The following CCDC27 variants were observed in gnomAD, a reference collection of about 807,000 sequenced individuals.
The protein encoded by CCDC27 is coiled-coil domain containing 27.
A neutral mutation model predicts 80.3 loss-of-function variants in CCDC27; 80 were observed. That is an observed-to-expected ratio of 1.00 (90% confidence interval 0.83 to 1.20). CCDC27 has a LOEUF of 1.20. Ranked by LOEUF, CCDC27 falls within the 50% of genes most tolerant of loss-of-function variation. The pLI, the probability that CCDC27 is intolerant of heterozygous loss-of-function variation, is 0.00. For missense variants in CCDC27, 815 were observed against 809.4 expected (o/e 1.01, Z -0.08); for synonymous variants, 342 against 334.3 (o/e 1.02, Z -0.25).
intron 11 of CCDC27, among the ~76,000 whole-genome samples, chr1:3,770,118 C>T (rs189618825): frequency 3.7e-4 from 56 of 152,224 alleles, no homozygotes; most frequent in Middle Eastern, 3.4e-3. Context: ...CTCAGCAAAA[C>T]GGGGGACGGG....
chr1:3,765,035 CAAA>C lies in CCDC27; in HGVS notation c.1452+1214_1452+1216del, dbSNP rs57991746. Among the ~76,000 whole-genome samples, 127 of 115,066 alleles carry C rather than the reference CAAA, an allele frequency of 1.1e-3. 2 individuals carry two copies. The highest frequency in any genetic ancestry group is 2.6e-3 in the African/African-American group (83 of 31,840). The allele number at this position is 115,066 out of a possible 152,430, so 75.5% of individuals were successfully genotyped here. A position where few individuals can be genotyped will look rare whatever the true frequency, so the allele number is the denominator to read the frequency against. On this transcript the variant is annotated intron_variant, in intron 8 of 11. Coordinates refer to ENST00000294600, the MANE Select transcript of CCDC27 (RefSeq NM_152492.3). ...GGGCGACAAGAGCAAAACTCCATCT[CAAA>C]AAAAAAAAAAAAAACGATGAACAGG...
chr1:3,756,468 GGT>G lies in CCDC27; in HGVS notation c.554-262_554-261del, dbSNP rs1325330536. ...TCCCAGCTCCGGCTCGTTTGTCCTG[GGT>G]GTCTCGGCCAGAGCTTCCGCACCTT... On this transcript the variant is annotated intron_variant, in intron 3 of 11. Transcript: ENST00000294600. 8.6e-6 allele frequency: 3 copies of G among 348,820 alleles called. No homozygotes were observed. In the Admixed American group the frequency reaches 1.3e-4, roughly 15 times the overall value. 21.6% of individuals were successfully genotyped at this position (348,820 alleles called of 1,614,324 possible). A position where few individuals can be genotyped will look rare whatever the true frequency, so the allele number is the denominator to read the frequency against.
chr1:3,761,173 G>A lies in CCDC27; in HGVS notation c.712-108G>A. The A allele has an allele frequency of 7.5e-7, 1 of 1,334,278 alleles. No individual in the cohort carries two copies. The highest frequency in any genetic ancestry group is 1.0e-6 in the Non-Finnish European group (1 of 965,246). 82.7% of individuals were successfully genotyped at this position (1,334,278 alleles called of 1,614,324 possible). A position where few individuals can be genotyped will look rare whatever the true frequency, so the allele number is the denominator to read the frequency against. On this transcript the variant is annotated intron_variant, in intron 4 of 11. Transcript: ENST00000294600. This position sits in a 1 kb window ranked among gnomAD's most constrained non-coding sequence, Gnocchi z 5.0. ...GAAATCCCTGGGACCCTGGGGTTTT[G>A]GGGTACCACGACAGCAGATCTGCTC...
In CCDC27 at chr1:3,756,904, G is replaced by A. The variant is rs1372607659; in HGVS notation, c.711+14G>A. ...ATCCACGAGAAGGTACTGGCGGAGG[G>A]GGTGCAAATCCCGGCCCCCCACCCC... On this transcript the variant is annotated intron_variant, in intron 4 of 11. Transcript: ENST00000294600. 1 of 1,605,072 alleles carries A rather than the reference G, an allele frequency of 6.2e-7. No homozygotes were observed. The highest frequency in any genetic ancestry group is 1.1e-5 in the South Asian group (1 of 90,468).
At chr1:3,767,544 G>A in intron 10 of CCDC27, 99 bp downstream of exon 10, 1 of 985,888 alleles carries the variant, frequency 1.0e-6, no homozygotes, top group Non-Finnish European at 1.5e-6. Flanking sequence ...CGGGGTCTGT[G>A]TACGCTGGGG....
chr1:3,764,814 T>C (rs974816866), intron 8 of CCDC27, among the ~76,000 whole-genome samples: 1 of 152,262 alleles, frequency 6.6e-6, no homozygotes, highest in South Asian at 2.1e-4. Context: ...GGCAGGTGGA[T>C]CACCTCAGGT....
intron 11 of CCDC27, 96 bp from the exon 12 acceptor site, chr1:3,771,304 TG>T: frequency 1.3e-6 from 2 of 1,490,978 alleles, no homozygotes; most frequent in Non-Finnish European, 1.8e-6. Context: ...GAGGAGAGGG[TG>T]GCGTCCCGGG....
rs1391515135 is a variant in CCDC27 at position 3,761,525 on chromosome 1, C to T, written c.861+95C>T. The T allele has an allele frequency of 2.1e-6, 3 of 1,423,120 alleles. No homozygotes were observed. In the East Asian group the frequency reaches 7.1e-5, roughly 34 times the overall value. The allele number at this position is 1,423,120 out of a possible 1,614,324, so 88.2% of individuals were successfully genotyped here. Reference sequence around the variant, plus strand: ...AGTGACACACAGGCCCCTGGCAAACCCCCAGGCCCCCTGGATCCTATCAGG... The same window carrying T: ...AGTGACACACAGGCCCCTGGCAAACTCCCAGGCCCCCTGGATCCTATCAGG... On this transcript the variant is annotated intron_variant, in intron 5 of 11. Transcript: ENST00000294600. This position sits in a 1 kb window ranked among gnomAD's most constrained non-coding sequence, Gnocchi z 5.0.
rs775378587 is a variant in CCDC27 at position 3,768,088 on chromosome 1, CTTTTT to C, written c.1743+661_1743+665del. ...AAAAGGAAATCAATAAAGAGCTGAC[CTTTTT>C]TTTTTTTTTTTTTTTTTCTGAGACA... On this transcript the variant is annotated intron_variant, in intron 10 of 11. Coordinates refer to ENST00000294600, the MANE Select transcript of CCDC27 (RefSeq NM_152492.3). The surrounding 1 kb of genome is among the most constrained non-coding windows in gnomAD (Gnocchi z 5.6). Among the ~76,000 whole-genome samples, 2 of 120,330 alleles carry C rather than the reference CTTTTT, an allele frequency of 1.7e-5. No individual in the cohort carries two copies. Among genetic ancestry groups the C allele is most frequent in the Non-Finnish European group, 3.5e-5 (2 of 57,674 alleles). 78.9% of individuals were successfully genotyped at this position (120,330 alleles called of 152,430 possible). A position where few individuals can be genotyped will look rare whatever the true frequency, so the allele number is the denominator to read the frequency against.
At position 3,763,076 on chromosome 1, in the gene CCDC27, C is replaced by T; in HGVS notation, c.955-32C>T. ...CTCTGCCCTGGGGGTGCCCCGCAGC[C>T]CTGCCCAGCCCCTGCCCTACCCATC... On this transcript the variant is annotated intron_variant, in intron 6 of 11. Coordinates refer to ENST00000294600, the MANE Select transcript of CCDC27 (RefSeq NM_152492.3). The surrounding 1 kb of genome is among the most constrained non-coding windows in gnomAD (Gnocchi z 7.5). The T allele has an allele frequency of 1.4e-6, 2 of 1,457,222 alleles. No individual in the cohort carries two copies. The highest frequency in any genetic ancestry group is 2.9e-5 in the African/African-American group (2 of 70,086). The allele number at this position is 1,457,222 out of a possible 1,614,324, so 90.3% of individuals were successfully genotyped here. A position where few individuals can be genotyped will look rare whatever the true frequency, so the allele number is the denominator to read the frequency against.
In CCDC27 at chr1:3,755,520, C is replaced by T. The variant is rs963449751; in HGVS notation, c.506C>T (p.Thr169Ile). ...IDNSSETWRG[T>I]QDLFLARRGS... ...AACAGCTCGGAGACCTGGAGAGGCA[C>T]CCAGGACCTGTTCTTGGCCAGGCGG... Residue 169 changes from threonine to isoleucine, a missense_variant, in exon 3 of 12, where the codon ACC becomes ATC. Coordinates refer to ENST00000294600, the MANE Select transcript of CCDC27 (RefSeq NM_152492.3). 6.2e-7 allele frequency: 1 copy of T among 1,614,144 alleles called. No homozygotes were observed. The highest frequency in any genetic ancestry group is 8.5e-7 in the Non-Finnish European group (1 of 1,180,024).
At chr1:3,770,232 G>A (rs564553910) in intron 11 of CCDC27, among the ~76,000 whole-genome samples, 98 of 152,292 alleles carry the variant, frequency 6.4e-4, no homozygotes, top group African/African-American at 2.3e-3. Context: ...GCCCAGCCCC[G>A]GCTTTGTCCA....
Position 3,763,696 on chromosome 1 carries a change from C to T in CCDC27, c.1322-10C>T, listed in dbSNP as rs533800523. On this transcript the variant is annotated splice_polypyrimidine_tract_variant and intron_variant, in intron 7 of 11. Transcript: ENST00000294600. The surrounding 1 kb of genome is among the most constrained non-coding windows in gnomAD (Gnocchi z 7.5). ...TTGCTCCTGCTCACCGCCTCTGCCT[C>T]TGTGCCCAGGAGTGATTGCGTCTTT... 2 of 1,614,080 alleles carry T rather than the reference C, an allele frequency of 1.2e-6. No individual in the cohort carries two copies. The highest frequency in any genetic ancestry group is 2.7e-5 in the African/African-American group (2 of 75,050).
rs1341472122 is a variant in CCDC27, at chr1:3,761,206, G to C, written c.712-75G>C. 4 of 1,548,688 alleles carry C rather than the reference G, an allele frequency of 2.6e-6. No homozygotes were observed. Among genetic ancestry groups the C allele is most frequent in the Non-Finnish European group, 3.5e-6 (4 of 1,141,138 alleles). On this transcript the variant is annotated intron_variant, in intron 4 of 11. Transcript: ENST00000294600. The surrounding 1 kb of genome is among the most constrained non-coding windows in gnomAD (Gnocchi z 5.0). ...ACGACAGCAGATCTGCTCCTCCTGG[G>C]TGGGCTGGAGGCAGGTCAGGGGAAG...
chr1:3,765,848 GTTTCT>G (rs764997596), intron 8 of CCDC27, among the ~76,000 whole-genome samples: 12 of 150,038 alleles, frequency 8.0e-5, no homozygotes, highest in African/African-American at 2.2e-4. Context: ...TTAATGGAGA[GTTTCT>G]TTTCTTTTCT....
Position 3,771,580 on chromosome 1 carries a change from A to G in CCDC27, c.*57A>G. 1.3e-6 allele frequency: 2 copies of G among 1,590,460 alleles called. No homozygotes were observed. Among genetic ancestry groups the G allele is most frequent in the Non-Finnish European group, 1.7e-6 (2 of 1,167,934 alleles). ...AGCAGAGGCCGGGGCCCAGCTCCAG[A>G]ACCACCCGCCCCCACCATGCGTCCT... On this transcript the variant is annotated 3_prime_UTR_variant, in exon 12 of 12. Coordinates refer to ENST00000294600, the MANE Select transcript of CCDC27 (RefSeq NM_152492.3).
At position 3,752,735 on chromosome 1, in the gene CCDC27, C is replaced by A. The variant is rs559022453; in HGVS notation, c.254C>A (p.Pro85Gln). The stretch of plus-strand genomic sequence containing the variant: ...GACGCCCGGTGCCCAGAATGGAAAC[C>A]GCACCAAAAGCCACGCACGCTCAGC... ...SRDARCPEWK[P>Q]HQKPRTLSKS... The change falls in exon 1 of 12, where the codon CCG (proline) becomes CAG (glutamine). Residue 85 changes from proline to glutamine, a missense_variant. By Grantham distance (76) the Pro-to-Gln change is moderately conservative (BLOSUM62 -1). Transcript: ENST00000294600. 1.9e-6 allele frequency: 3 copies of A among 1,613,822 alleles called. No individual in the cohort carries two copies. The highest frequency in any genetic ancestry group is 1.7e-6 in the Non-Finnish European group (2 of 1,180,030).
At chr1:3,753,148 A>G (rs1028556807) in intron 1 of CCDC27, among the ~76,000 whole-genome samples, 1 of 152,054 alleles carries the variant, frequency 6.6e-6, no homozygotes, top group African/African-American at 2.4e-5. Context: ...CCCAAGGTGC[A>G]TCTTGAAAAG....
chr1:3,752,789 A>G lies in CCDC27; in HGVS notation c.308A>G (p.Tyr103Cys), dbSNP rs772922786. Reference protein sequence around the residue: ...SKSVQTISRYYRKTSEPKDAA... With the variant: ...SKSVQTISRYCRKTSEPKDAA... ...TCGGTCCAGACCATCAGCCGCTACT[A>G]CAGGAAGACGGTATGGGGTCCCGGG... is the stretch of plus-strand genomic sequence containing the variant. The change falls in exon 1 of 12, where the codon TAC (tyrosine) becomes TGC (cysteine). Residue 103 changes from tyrosine to cysteine, a missense_variant. Physicochemically the swap from Tyr to Cys is radical, Grantham distance 194. Transcript: ENST00000294600. 10 of 1,611,706 alleles carry G rather than the reference A, an allele frequency of 6.2e-6. No homozygotes were observed. Among genetic ancestry groups the G allele is most frequent in the Non-Finnish European group, 8.5e-6 (10 of 1,178,514 alleles).
Sources: gnomAD v4.1 joint callset for allele counts (sites outside exome capture counted in the v4.1 genomes callset) on GRCh38, gnomAD v4.1.1 for gene constraint, Gnocchi (gnomAD v3.1) non-coding constraint, MANE v1.5 for transcripts, NCBI Gene and HGNC (gene_info 2026-07-23, HGNC 2026-07-21) for gene names.